Variants in MAP2 observed in about 807,000 individuals in gnomAD.
MAP2 encodes microtubule associated protein 2.
Under a neutral mutation model 137.6 loss-of-function variants are expected in MAP2, and 14 were observed. The ratio of observed to expected loss-of-function variants is 0.10; its 90% CI spans 0.07 to 0.16. MAP2 has a LOEUF of 0.16. MAP2 is among the 10% of genes least tolerant of loss of function. The pLI is 1.00. For synonymous variants in MAP2, 786 were observed against 782.3 expected (o/e 1.00, Z -0.08); for missense variants, 2,088 against 2,191.5 (o/e 0.95, Z 0.94).
chr2:209,561,401 GA>G (rs2072051908), intron 2 of MAP2, among the ~76,000 whole-genome samples: 1 of 152,064 alleles, frequency 6.6e-6, no homozygotes, highest in South Asian at 2.1e-4. Context: ...TACATACGTA[GA>G]AAAATTCAGG....
chr2:209,548,495 A>G (rs1356815392), intron 2 of MAP2, among the ~76,000 whole-genome samples: 1 of 152,240 alleles, frequency 6.6e-6, no homozygotes. Flanking sequence ...AACCTTGTGA[A>G]TCATTTTCAG....
intron 7 of MAP2, chr2:209,690,828 C>G: frequency 1.6e-6 from 2 of 1,285,210 alleles, no homozygotes; most frequent in Non-Finnish European, 1.0e-6. Flanking sequence ...GAAGTAAAAA[C>G]CCCTTCCTCT....
intron 9 of MAP2, 36 bp downstream of exon 9, chr2:209,696,784 G>C: frequency 6.3e-7 from 1 of 1,576,954 alleles, no homozygotes. Flanking sequence ...AAATGTTTTT[G>C]AAGTAATTCA....
At chr2:209,542,148 C>T (rs1033906914) in intron 2 of MAP2, among the ~76,000 whole-genome samples, 4 of 152,356 alleles carry the variant, frequency 2.6e-5, no homozygotes, top group South Asian at 2.1e-4. Context: ...ATAAAGCCAA[C>T]ATCAATCTCC....
At chr2:209,445,445 A>G (rs1239422627) in intron 1 of MAP2, among the ~76,000 whole-genome samples, 2 of 151,494 alleles carry the variant, frequency 1.3e-5, no homozygotes, top group Non-Finnish European at 3.0e-5. Flanking sequence ...AAAACCCTAA[A>G]TCTATGTGGC....
At chr2:209,673,692 A>G (rs919785706) in intron 5 of MAP2, among the ~76,000 whole-genome samples, 6 of 151,840 alleles carry the variant, frequency 4.0e-5, no homozygotes, top group Non-Finnish European at 8.8e-5. Flanking sequence ...TTTCAATTAC[A>G]TATAATGAAT....
chr2:209,425,999 A>G (rs189726564), intron 1 of MAP2, among the ~76,000 whole-genome samples: 5,600 of 152,254 alleles, frequency 0.037, 362 homozygotes, highest in African/African-American at 0.13. Flanking sequence ...CCTTCAAGAA[A>G]AAAGGCATTT....
At chr2:209,627,730 G>A (rs1187866094) in intron 4 of MAP2, among the ~76,000 whole-genome samples, 1 of 152,112 alleles carries the variant, frequency 6.6e-6, no homozygotes, top group Admixed American at 6.6e-5. Flanking sequence ...GGAAAGCAAG[G>A]AAGACACAGT....
At chr2:209,523,595 T>C (rs1165283683) in intron 2 of MAP2, among the ~76,000 whole-genome samples, 1 of 152,172 alleles carries the variant, frequency 6.6e-6, no homozygotes, top group Non-Finnish European at 1.5e-5. Flanking sequence ...GCTTCTCCAC[T>C]GGAGGCTCCT....
At position 209,435,998 on chromosome 2, in the gene MAP2, TATATATACA is replaced by T. The variant is rs1696053522; in HGVS notation, c.-222+11723_-222+11731del. On this transcript the variant is annotated intron_variant, in intron 1 of 15. Transcript: ENST00000682079. Reference sequence around the variant, plus strand: ...AATATATACAGTATATATTATATACTATATATACAGTATATATTATATATAAAATATATA... The same window carrying T: ...AATATATACAGTATATATTATATACTGTATATATTATATATAAAATATATA... Among the ~76,000 whole-genome samples the T allele has an allele frequency of 1.3e-3, 116 of 88,804 alleles. 4 individuals carry two copies. The highest frequency in any genetic ancestry group is 1.9e-3 in the Non-Finnish European group (95 of 49,444). The allele number at this position is 88,804 out of a possible 152,430, so 58.3% of individuals were successfully genotyped here. A position where few individuals can be genotyped will look rare whatever the true frequency, so the allele number is the denominator to read the frequency against.
At position 209,695,522 on chromosome 2, in the gene MAP2, G is replaced by T; in HGVS notation, c.3352G>T (p.Asp1118Tyr). ...TEVKEKVAKPDLVHQEAVDKE... is the reference protein window; with the variant it reads ...TEVKEKVAKPYLVHQEAVDKE... ...AGTCAAAGAGAAGGTGGCCAAGCCT[G>T]ACTTGGTGCACCAGGAGGCTGTAGA... The change falls in exon 8 of 16, where the codon GAC becomes TAC. Residue 1118 changes from aspartate to tyrosine, a missense_variant. Asp to Tyr is a radical substitution (Grantham distance 160, BLOSUM62 -3). Around this residue, in one of 6 missense-constraint regions of MAP2, gnomAD observed 500 missense variants for 482.9 expected, o/e 1.04. Transcript: ENST00000682079. The T allele has an allele frequency of 6.2e-7, 1 of 1,614,114 alleles. No individual in the cohort carries two copies. Among genetic ancestry groups the T allele is most frequent in the South Asian group, 1.1e-5 (1 of 91,052 alleles).
chr2:209,705,446 A>G lies in MAP2; in HGVS notation c.4585-134A>G, dbSNP rs182195504. Reference sequence around the variant, plus strand: ...AGTTATAAAGTAGAAATGTTTATAAATATATGAAATCCAGTAGTTTGTATT... The same window carrying G: ...AGTTATAAAGTAGAAATGTTTATAAGTATATGAAATCCAGTAGTTTGTATT... On this transcript the variant is annotated intron_variant, in intron 11 of 15. Coordinates refer to ENST00000682079, the MANE Select transcript of MAP2 (RefSeq NM_001375505.1). 2.1e-4 allele frequency: 128 copies of G among 596,348 alleles called. No homozygotes were observed. The Middle Eastern group carries it at 3.5e-3, about 16-fold the overall frequency. The allele number at this position is 596,348 out of a possible 1,614,324, so 36.9% of individuals were successfully genotyped here.
At chr2:209,542,249 G>C (rs1407455035) in intron 2 of MAP2, among the ~76,000 whole-genome samples, 1 of 152,196 alleles carries the variant, frequency 6.6e-6, no homozygotes, top group African/African-American at 2.4e-5. Context: ...TGAGCAGTGG[G>C]TCTCAACAGT....
rs1698576620 is a variant in MAP2 at position 209,444,500 on chromosome 2, G to C, written c.-222+20224G>C. Among the ~76,000 whole-genome samples the C allele has an allele frequency of 4.6e-5, 7 of 151,534 alleles. 1 individual carries two copies. In the South Asian group the frequency reaches 1.2e-3, roughly 27 times the overall value. On this transcript the variant is annotated intron_variant, in intron 1 of 15. Transcript: ENST00000682079. The stretch of plus-strand genomic sequence containing the variant: ...TTCAGTAAGTCAGTATCATTTATGG[G>C]GAGGAAGCCTATTTGTCTAAAATTA...
rs538085126 is a variant in MAP2, at chr2:209,732,329, C to G, written c.*1932C>G. 6 of 152,296 alleles carry G rather than the reference C, an allele frequency of 3.9e-5. No homozygotes were observed. The South Asian group carries it at 1.0e-3, about 26-fold the overall frequency. The allele number at this position is 152,296 out of a possible 1,614,324, so 9.4% of individuals were successfully genotyped here. A position where few individuals can be genotyped will look rare whatever the true frequency, so the allele number is the denominator to read the frequency against. On this transcript the variant is annotated 3_prime_UTR_variant, in exon 16 of 16. Transcript: ENST00000682079. Reference sequence around the variant, plus strand: ...CCAGTGTAACTGCCATACAAGAAACCCTAGGAGCAAACCCACACCACTCAT... The same window carrying G: ...CCAGTGTAACTGCCATACAAGAAACGCTAGGAGCAAACCCACACCACTCAT...
intron 2 of MAP2, among the ~76,000 whole-genome samples, chr2:209,568,016 A>T (rs374959519): frequency 6.6e-6 from 1 of 151,850 alleles, no homozygotes; most frequent in Admixed American, 6.6e-5. Flanking sequence ...TGGAACTTTC[A>T]TGCACATGTA....
Position 209,648,104 on chromosome 2 carries a change from ATT to A in MAP2, c.-29-5022_-29-5021del, listed in dbSNP as rs200480350. On this transcript the variant is annotated intron_variant, in intron 4 of 15. Coordinates refer to ENST00000682079, the MANE Select transcript of MAP2 (RefSeq NM_001375505.1). ...ATCAATAGATGTTTAAACGTCTTGG[ATT>A]TTTTTTTTTTTTTTTAACGCAGTCT... 9.9e-3 allele frequency among the ~76,000 whole-genome samples: 1,403 copies of A among 141,728 alleles called. 23 individuals carry two copies. The highest frequency in any genetic ancestry group is 0.032 in the African/African-American group (1,249 of 39,056). 93.0% of individuals were successfully genotyped at this position (141,728 alleles called of 152,430 possible).
intron 3 of MAP2, among the ~76,000 whole-genome samples, chr2:209,602,684 A>G (rs2083343953): frequency 6.6e-6 from 1 of 152,240 alleles, no homozygotes; most frequent in Non-Finnish European, 1.5e-5. Context: ...GACAACTGAA[A>G]GAGACCAAGA....
intron 2 of MAP2, among the ~76,000 whole-genome samples, chr2:209,576,283 G>A (rs184918535): frequency 2.6e-5 from 4 of 152,084 alleles, no homozygotes; most frequent in Admixed American, 1.3e-4. Context: ...TTGCTCTGTC[G>A]CCCAGGCTGG....
Sources: gnomAD v4.1 joint callset for allele counts (sites outside exome capture counted in the v4.1 genomes callset) on GRCh38, gnomAD v4.1.1 for gene constraint, gnomAD v4.1.1 regional missense constraint, MANE v1.5 for transcripts, NCBI Gene and HGNC (gene_info 2026-07-23, HGNC 2026-07-21) for gene names.